Variants in CRTC3 observed in about 807,000 individuals in gnomAD.
The protein encoded by CRTC3 is CREB regulated transcription coactivator 3, also known as CREB-regulated transcription coactivator 3.
A neutral mutation model predicts 74.5 loss-of-function variants in CRTC3; 26 were observed. The observed-to-expected ratio is 0.35, with a 90% confidence interval of 0.26 to 0.48. The LOEUF (loss-of-function observed/expected upper bound fraction) is 0.48, where lower values mean the gene tolerates loss of function less well. Ranked by LOEUF, CRTC3 falls within the 20% of genes least tolerant of loss-of-function variation. The pLI is 0.99. For synonymous variants in CRTC3, 377 were observed against 325.8 expected, an observed-to-expected ratio of 1.16 and a Z score of -1.69; for missense variants, 760 against 787.3, an observed-to-expected ratio of 0.97 and a Z score of 0.41.
At chr15:90,610,446 T>G (rs948027835) in intron 6 of CRTC3, among the ~76,000 whole-genome samples, 3 of 152,248 alleles carry the variant, frequency 2.0e-5, no homozygotes, top group African/African-American at 7.2e-5. Flanking sequence ...AGCAATAAAC[T>G]ATGATACATT....
At chr15:90,536,382 C>T (rs1444141071) in intron 1 of CRTC3, among the ~76,000 whole-genome samples, 2 of 148,548 alleles carry the variant, frequency 1.3e-5, no homozygotes, top group African/African-American at 2.5e-5. Flanking sequence ...AAAAAAAAAA[C>T]GAAAATTAGC....
At position 90,531,826 on chromosome 15, in the gene CRTC3, G is replaced by A. The variant is rs546707621; in HGVS notation, c.132+1623G>A. ...CACTGTATATGTCTGTATACCTATG[G>A]CGGATCCAATCTTTCACCCAATTCA... is the stretch of plus-strand genomic sequence containing the variant. On this transcript the variant is annotated intron_variant, in intron 1 of 14. Transcript: ENST00000268184. 2.6e-5 allele frequency among the ~76,000 whole-genome samples: 4 copies of A among 152,164 alleles called. No individual in the cohort carries two copies. The East Asian group carries it at 5.8e-4, about 22-fold the overall frequency.
chr15:90,636,142 C>T (rs1191404302), intron 11 of CRTC3, among the ~76,000 whole-genome samples: 3 of 151,680 alleles, frequency 2.0e-5, no homozygotes, highest in Admixed American at 1.3e-4. Flanking sequence ...CATCATGCTA[C>T]CTGACTTCAA....
chr15:90,582,006 T>TTTG (rs2151073676), intron 2 of CRTC3, among the ~76,000 whole-genome samples: 1 of 152,244 alleles, frequency 6.6e-6, no homozygotes, highest in African/African-American at 2.4e-5. Context: ...CCTCCAAGGG[T>TTTG]GCCTTTGGCC....
chr15:90,582,913 T>C (rs2151073981), intron 2 of CRTC3, among the ~76,000 whole-genome samples: 1 of 152,340 alleles, frequency 6.6e-6, no homozygotes, highest in South Asian at 2.1e-4. Flanking sequence ...GGTGAGAAGC[T>C]CTGCCTGAGA....
intron 8 of CRTC3, 65 bp from the exon 9 acceptor site, chr15:90,619,676 C>A: frequency 7.2e-7 from 1 of 1,394,298 alleles, no homozygotes; most frequent in Non-Finnish European, 1.0e-6. Flanking sequence ...CTTACGAAGA[C>A]ACTTTTCAAA....
intron 11 of CRTC3, among the ~76,000 whole-genome samples, chr15:90,630,515 GA>G (rs1487430476): frequency 6.6e-6 from 1 of 152,110 alleles, no homozygotes; most frequent in Non-Finnish European, 1.5e-5. Context: ...CTCCAGAGCG[GA>G]GGTGGGAGGC....
chr15:90,641,911 C>T, intron 14 of CRTC3, 21 bp from the exon 15 acceptor site: 1 of 1,610,730 alleles, frequency 6.2e-7, no homozygotes, highest in Non-Finnish European at 8.5e-7. Context: ...CACTGTTTTC[C>T]CCTCTGGCCA....
chr15:90,589,470 C>T (rs1967748268), intron 2 of CRTC3, among the ~76,000 whole-genome samples: 1 of 152,152 alleles, frequency 6.6e-6, no homozygotes, highest in Non-Finnish European at 1.5e-5. Flanking sequence ...TGAGCCTCAA[C>T]CTCGGCCTCC....
At chr15:90,579,633 A>ACTTTTT (rs1967488280) in intron 2 of CRTC3, among the ~76,000 whole-genome samples, 1 of 106,770 alleles carries the variant, frequency 9.4e-6, no homozygotes, top group African/African-American at 4.2e-5. Flanking sequence ...AACGTATTTC[A>ACTTTTT]CTTTTTTTTT....
In CRTC3 at chr15:90,565,891, T is replaced by G. The variant is rs80124813; in HGVS notation, c.231+25754T>G. On this transcript the variant is annotated intron_variant, in intron 2 of 14. Coordinates refer to ENST00000268184, the MANE Select transcript of CRTC3 (RefSeq NM_022769.5). ...TTCCCTGAGATAACAATATTGAAAT[T>G]AGGCCTCTAAGTGTTCAAGTGAAAG... Among the ~76,000 whole-genome samples the G allele has an allele frequency of 5.9e-4, 90 of 152,298 alleles. 1 individual carries two copies. The East Asian group carries it at 0.014, about 24-fold the overall frequency.
chr15:90,535,466 G>A (rs1939461689), intron 1 of CRTC3, among the ~76,000 whole-genome samples: 1 of 152,174 alleles, frequency 6.6e-6, no homozygotes, highest in Non-Finnish European at 1.5e-5. Flanking sequence ...AGGGTGCTGG[G>A]TGAAAGGCTA....
At chr15:90,586,642 G>A (rs112498977) in intron 2 of CRTC3, among the ~76,000 whole-genome samples, 15 of 152,074 alleles carry the variant, frequency 9.9e-5, no homozygotes, top group African/African-American at 1.7e-4. Flanking sequence ...TTATAGGTGT[G>A]AGCCACCGTG....
chr15:90,533,747 T>C (rs1966672583), intron 1 of CRTC3, among the ~76,000 whole-genome samples: 1 of 152,090 alleles, frequency 6.6e-6, no homozygotes, highest in Middle Eastern at 3.2e-3. Context: ...ATTTAATAAG[T>C]AAGGACACAT....
chr15:90,546,138 G>A (rs1031133869), intron 2 of CRTC3, among the ~76,000 whole-genome samples: 1 of 151,898 alleles, frequency 6.6e-6, no homozygotes, highest in African/African-American at 2.4e-5. Context: ...AGTTCCCGAA[G>A]GTTTTTTTTC....
chr15:90,561,176 A>G (rs889420240), intron 2 of CRTC3, among the ~76,000 whole-genome samples: 2 of 152,196 alleles, frequency 1.3e-5, no homozygotes, highest in Non-Finnish European at 2.9e-5. Flanking sequence ...ATGCATGTAA[A>G]TCCTTAGAAT....
At chr15:90,561,248 G>T (rs928464624) in intron 2 of CRTC3, among the ~76,000 whole-genome samples, 7 of 152,172 alleles carry the variant, frequency 4.6e-5, no homozygotes, top group Admixed American at 2.6e-4. Flanking sequence ...ACTCCCTGTT[G>T]CAGCCTTCTA....
At position 90,586,761 on chromosome 15, in the gene CRTC3, T is replaced by C. The variant is rs184462435; in HGVS notation, c.232-6875T>C. Among the ~76,000 whole-genome samples, 272 of 152,362 alleles carry C rather than the reference T, an allele frequency of 1.8e-3. 1 individual carries two copies. The highest frequency in any genetic ancestry group is 6.3e-3 in the African/African-American group (261 of 41,584). The stretch of plus-strand genomic sequence containing the variant: ...ATTTGGAAATTACATTTCTCCTGTT[T>C]TTAATAACTGTATAAAAATACAACT... On this transcript the variant is annotated intron_variant, in intron 2 of 14. Transcript: ENST00000268184.
At chr15:90,593,926 T>A (rs921970175) in intron 3 of CRTC3, 171 bp downstream of exon 3, 4 of 571,802 alleles carry the variant, frequency 7.0e-6, no homozygotes, top group African/African-American at 3.7e-5. Flanking sequence ...CAGTCAACAT[T>A]TGGAAACATC....
Sources: allele counts gnomAD v4.1 joint callset (sites outside exome capture counted in the v4.1 genomes callset), GRCh38; gene constraint gnomAD v4.1.1; transcripts MANE v1.5; gene names NCBI Gene and HGNC (gene_info 2026-07-23, HGNC 2026-07-21).